The following HGH1 variants were observed in gnomAD, a reference collection of about 807,000 sequenced individuals.
The protein encoded by HGH1 is HGH1 cochaperone.
Under a neutral mutation model 31.7 loss-of-function variants are expected in HGH1, and 31 were observed. That is an observed-to-expected ratio of 0.98 (90% CI 0.73 to 1.32). The LOEUF is 1.32. HGH1 is among the 40% of genes most tolerant of loss of function. HGH1 has a pLI of 0.00. For synonymous variants in HGH1, 284 were observed against 293.6 expected, an observed-to-expected ratio of 0.97 and a Z score of 0.34; for missense variants, 618 against 594.4, an observed-to-expected ratio of 1.04 and a Z score of -0.41.
In HGH1 at chr8:144,138,276, CG is replaced by C; in HGVS notation, c.442del (p.Ala148ArgfsTer29). On this transcript the variant is annotated frameshift_variant, in exon 1 of 6. Coordinates refer to ENST00000347708, the MANE Select transcript of HGH1 (RefSeq NM_016458.4). LOFTEE classifies it high-confidence loss of function. ...CAALMAALAAAEPADSGLERL... is the reference protein window; with the variant it reads ...CAALMAALAAXEPADSGLERL... ...CAGCGCTCATGGCGGCGCTGGCGGC[CG>C]CGGAGCCGGCAGACTCGGGCCTGGA... is the stretch of plus-strand genomic sequence containing the variant. 6.8e-7 allele frequency: 1 copy of C among 1,462,986 alleles called. No homozygotes were observed. Among genetic ancestry groups the C allele is most frequent in the Admixed American group, 2.7e-5 (1 of 36,400 alleles). The allele number at this position is 1,462,986 out of a possible 1,614,324, so 90.6% of individuals were successfully genotyped here.
chr8:144,138,228 C>T lies in HGH1; in HGVS notation c.393C>T (p.Leu131=), dbSNP rs1564329699. 3.6e-6 allele frequency: 5 copies of T among 1,381,586 alleles called. No homozygotes were observed. Among genetic ancestry groups the T allele is most frequent in the Non-Finnish European group, 3.7e-6 (4 of 1,076,906 alleles). 85.6% of individuals were successfully genotyped at this position (1,381,586 alleles called of 1,614,324 possible). The part of the protein sequence containing the change: ...AEEAAAALAN[L]SREPAPCAAL... ...AGGCGGCCGCCGCGCTAGCCAACCTCAGTCGCGAGCCGGCGCCGTGTGCAG... is the reference window on the plus strand; with the variant it reads ...AGGCGGCCGCCGCGCTAGCCAACCTTAGTCGCGAGCCGGCGCCGTGTGCAG... Residue 131 remains leucine, a synonymous_variant, in exon 1 of 6, where the codon CTC becomes CTT. Coordinates refer to ENST00000347708, the MANE Select transcript of HGH1 (RefSeq NM_016458.4).
rs1220054332 is a variant in HGH1 at position 144,140,843 on chromosome 8, C to T, written c.*1291C>T. On this transcript the variant is annotated 3_prime_UTR_variant, in exon 6 of 6. Coordinates refer to ENST00000347708, the MANE Select transcript of HGH1 (RefSeq NM_016458.4). Reference sequence around the variant, plus strand: ...AGAATAAATGCTTTATCTGGCCTTGCCCCACCCACCCACCCTCAGTTTACT... The same window carrying T: ...AGAATAAATGCTTTATCTGGCCTTGTCCCACCCACCCACCCTCAGTTTACT... 7.6e-6 allele frequency: 1 copy of T among 131,016 alleles called. No individual in the cohort carries two copies. Among genetic ancestry groups the T allele is most frequent in the African/African-American group, 2.8e-5 (1 of 35,742 alleles). 8.1% of individuals were successfully genotyped at this position (131,016 alleles called of 1,614,324 possible).
Position 144,138,234 on chromosome 8 carries a change from C to A in HGH1, c.399C>A (p.Arg133=). ...EAAAALANLS[R]EPAPCAALMA... ...CCGCCGCGCTAGCCAACCTCAGTCG[C>A]GAGCCGGCGCCGTGTGCAGCGCTCA... The change falls in exon 1 of 6, where the codon CGC becomes CGA. Residue 133 remains arginine (R), a synonymous_variant. Coordinates refer to ENST00000347708, the MANE Select transcript of HGH1 (RefSeq NM_016458.4). The A allele has an allele frequency of 7.2e-7, 1 of 1,381,868 alleles. No individual in the cohort carries two copies. The highest frequency in any genetic ancestry group is 1.6e-5 in the South Asian group (1 of 61,018). The allele number at this position is 1,381,868 out of a possible 1,614,324, so 85.6% of individuals were successfully genotyped here. A position where few individuals can be genotyped will look rare whatever the true frequency, so the allele number is the denominator to read the frequency against.
chr8:144,139,341 G>A (rs1815153119), intron 5 of HGH1, 30 bp downstream of exon 5: 4 of 1,613,810 alleles, frequency 2.5e-6, no homozygotes, highest in Non-Finnish European at 3.4e-6. Context: ...GGCTGGGGAA[G>A]GGGTGTCTGT....
chr8:144,138,742 A>C lies in HGH1; in HGVS notation c.722A>C (p.Glu241Ala). 1 of 1,613,816 alleles carries C rather than the reference A, an allele frequency of 6.2e-7. No homozygotes were observed. ...HRHHEWLLGPEVDILPFLLLP... is the reference protein window; with the variant it reads ...HRHHEWLLGPAVDILPFLLLP... The stretch of plus-strand genomic sequence containing the variant: ...CATCACGAGTGGTTGCTTGGACCTG[A>C]GGTGGACATTCTCCCCTTTTTGCTC... Residue 241 changes from glutamate to alanine, a missense_variant, in exon 3 of 6, where the codon GAG (glutamate) becomes GCG (alanine). Coordinates refer to ENST00000347708, the MANE Select transcript of HGH1 (RefSeq NM_016458.4).
At position 144,139,319 on chromosome 8, in the gene HGH1, C is replaced by T; in HGVS notation, c.1008+8C>T. 1 of 1,613,948 alleles carries T rather than the reference C, an allele frequency of 6.2e-7. No homozygotes were observed. Among genetic ancestry groups the T allele is most frequent in the South Asian group, 1.1e-5 (1 of 91,078 alleles). ...TGTGAGAAGCTCATCCAGGTTGGTG[C>T]AGGGTTGGAGAGGCTGGGGAAGGGG... On this transcript the variant is annotated splice_region_variant and intron_variant, in intron 5 of 5. Coordinates refer to ENST00000347708, the MANE Select transcript of HGH1 (RefSeq NM_016458.4).
chr8:144,138,556 G>A lies in HGH1; in HGVS notation c.643G>A (p.Val215Ile). ...LPLTQYPDSS[V>I]RRGGVVGTLR... ...CCTTACCCAGTACCCCGACTCCTCT[G>A]TACGCAGGGGCGGGGTGGTGGGGAC... is the stretch of plus-strand genomic sequence containing the variant. Residue 215 changes from valine (V) to isoleucine (I), a missense_variant, in exon 2 of 6, where the codon GTA becomes ATA. Val to Ile is a conservative substitution (Grantham distance 29). Transcript: ENST00000347708. The A allele has an allele frequency of 1.2e-6, 2 of 1,612,808 alleles. No individual in the cohort carries two copies. The highest frequency in any genetic ancestry group is 1.7e-4 in the Middle Eastern group (1 of 5,974).
chr8:144,138,782 G>T lies in HGH1; in HGVS notation c.762G>T (p.Gly254=). The T allele has an allele frequency of 6.2e-7, 1 of 1,613,970 alleles. No homozygotes were observed. The highest frequency in any genetic ancestry group is 2.2e-5 in the East Asian group (1 of 44,864). ...CCTTTTTGCTCCTGCCCTTGGCTGG[G>T]CCTGAGGATTTCTCCGAGGAAGAGA... ...ILPFLLLPLA[G]PEDFSEEEME... Residue 254 remains glycine, a synonymous_variant, in exon 3 of 6, where the codon GGG becomes GGT. Transcript: ENST00000347708.
chr8:144,137,777 C>CAGCGGACCCCTA lies in HGH1; in HGVS notation c.-50_-39dup. On this transcript the variant is annotated 5_prime_UTR_variant, in exon 1 of 6. Coordinates refer to ENST00000347708, the MANE Select transcript of HGH1 (RefSeq NM_016458.4). ...CTGGTGGGCGGGGTTGCGGGCCACA[C>CAGCGGACCCCTA]AGCGGACCCCTAAGCGGACCGCTGG... 1 of 1,191,204 alleles carries CAGCGGACCCCTA rather than the reference C, an allele frequency of 8.4e-7. No individual in the cohort carries two copies. Among genetic ancestry groups the CAGCGGACCCCTA allele is most frequent in the Non-Finnish European group, 1.1e-6 (1 of 948,966 alleles). 73.8% of individuals were successfully genotyped at this position (1,191,204 alleles called of 1,614,324 possible). A position where few individuals can be genotyped will look rare whatever the true frequency, so the allele number is the denominator to read the frequency against.
rs1587642818 is a variant in HGH1, at chr8:144,139,967, G to T, written c.*415G>T. ...AGTCTGGGCAGAGGTGGGCGCATAG[G>T]TACAAGTGCTGCTTTGTCAGCCTCA... On this transcript the variant is annotated 3_prime_UTR_variant, in exon 6 of 6. Transcript: ENST00000347708. 9.7e-6 allele frequency: 3 copies of T among 310,394 alleles called. No individual in the cohort carries two copies. The East Asian group carries it at 2.5e-4, about 25-fold the overall frequency. The allele number at this position is 310,394 out of a possible 1,614,324, so 19.2% of individuals were successfully genotyped here.
At chr8:144,138,453 G>T in intron 1 of HGH1, 25 bp downstream of exon 1, 2 of 1,587,978 alleles carry the variant, frequency 1.3e-6, no homozygotes, top group Non-Finnish European at 8.5e-7. Flanking sequence ...GCCCGCGCGG[G>T]CGGGGAGGGG....
intron 2 of HGH1, 26 bp from the exon 3 acceptor site, chr8:144,138,688 CG>C: frequency 6.2e-7 from 1 of 1,613,282 alleles, no homozygotes; most frequent in Admixed American, 1.7e-5. Flanking sequence ...TTTCCATTCC[CG>C]TCTCCCCACC....
Position 144,139,027 on chromosome 8 carries a change from A to G in HGH1, c.812A>G (p.Gln271Arg). Residue 271 changes from glutamine (Q) to arginine (R), a missense_variant, in exon 4 of 6, where the codon CAG (glutamine) becomes CGG (arginine). Transcript: ENST00000347708. ...CCCCTAGGGCTGCCTGTCGACTTGCAGTACCTGCCACCAGACAAGCAGCGA... is the reference window on the plus strand; with the variant it reads ...CCCCTAGGGCTGCCTGTCGACTTGCGGTACCTGCCACCAGACAAGCAGCGA... ...EEMERLPVDLQYLPPDKQREP... is the reference protein window; with the variant it reads ...EEMERLPVDLRYLPPDKQREP... 2 of 1,613,944 alleles carry G rather than the reference A, an allele frequency of 1.2e-6. No homozygotes were observed. Among genetic ancestry groups the G allele is most frequent in the Non-Finnish European group, 1.7e-6 (2 of 1,179,844 alleles).
Position 144,138,221 on chromosome 8 carries a change from C to G in HGH1, c.386C>G (p.Ala129Gly). Residue 129 changes from alanine (A) to glycine (G), a missense_variant, in exon 1 of 6, where the codon GCC becomes GGC. Transcript: ENST00000347708. ...PWAEEAAAAL[A>G]NLSREPAPCA... ...GCCGAGGAGGCGGCCGCCGCGCTAG[C>G]CAACCTCAGTCGCGAGCCGGCGCCG... 7.3e-7 allele frequency: 1 copy of G among 1,376,660 alleles called. No homozygotes were observed. Among genetic ancestry groups the G allele is most frequent in the South Asian group, 1.7e-5 (1 of 60,218 alleles). The allele number at this position is 1,376,660 out of a possible 1,614,324, so 85.3% of individuals were successfully genotyped here.
In HGH1 at chr8:144,138,498, T is replaced by C; in HGVS notation, c.594-9T>C. The C allele has an allele frequency of 6.2e-7, 1 of 1,607,536 alleles. No homozygotes were observed. Among genetic ancestry groups the C allele is most frequent in the South Asian group, 1.1e-5 (1 of 90,218 alleles). ...AGGGGGGACGGCCCTAAGTGACACCTCCCAACAGGTGCGTGGTCCAGCGGC... is the reference window on the plus strand; with the variant it reads ...AGGGGGGACGGCCCTAAGTGACACCCCCCAACAGGTGCGTGGTCCAGCGGC... On this transcript the variant is annotated splice_polypyrimidine_tract_variant and intron_variant, in intron 1 of 5. Transcript: ENST00000347708.
At position 144,139,427 on chromosome 8, in the gene HGH1, C is replaced by G. The variant is rs1395294676; in HGVS notation, c.1048C>G (p.Leu350Val). Reference sequence around the variant, plus strand: ...CGAGCCTGAACGTGGCATGGAAAACCTGCTGGAGGTGCAGGTGCCTGAGGA... The same window carrying G: ...CGAGCCTGAACGTGGCATGGAAAACGTGCTGGAGGTGCAGGTGCCTGAGGA... ...GDEPERGMEN[L>V]LEVQVPEDVE... is the part of the protein sequence containing the mutation. Residue 350 changes from leucine (L) to valine (V), a missense_variant, in exon 6 of 6, where the codon CTG becomes GTG. Physicochemically the swap from Leu to Val is conservative, Grantham distance 32. Coordinates refer to ENST00000347708, the MANE Select transcript of HGH1 (RefSeq NM_016458.4). 3.1e-6 allele frequency: 5 copies of G among 1,608,608 alleles called. No individual in the cohort carries two copies. The African/African-American group carries it at 5.3e-5, about 17-fold the overall frequency.
Position 144,139,265 on chromosome 8 carries a change from G to A in HGH1, c.962G>A (p.Trp321Ter), listed in dbSNP as rs1815150797. The A allele has an allele frequency of 1.2e-6, 2 of 1,613,884 alleles. No individual in the cohort carries two copies. The highest frequency in any genetic ancestry group is 1.7e-6 in the Non-Finnish European group (2 of 1,179,874). Residue 321 changes from tryptophan to a stop codon, truncating the protein, a stop_gained, in exon 5 of 6, where the codon TGG (tryptophan) becomes TAG (stop). Transcript: ENST00000347708. LOFTEE classifies it low-confidence loss of function (END_TRUNC). ...CTGATCCTTCGAGAGCTGCACAGCT[G>A]GGAGCCGGAGCCCGACGTGCGGACG... Reference protein sequence around the residue: ...AYLILRELHSWEPEPDVRTAC... With the variant: ...AYLILRELHS
Position 144,138,035 on chromosome 8 carries a change from C to A in HGH1, c.200C>A (p.Ala67Glu). ...LLAGQAALLQ[A>E]LMELAPASAP... ...GCGGGGCAGGCGGCGCTGCTGCAGG[C>A]GCTGATGGAGCTGGCGCCGGCCTCT... Residue 67 changes from alanine to glutamate, a missense_variant, in exon 1 of 6, where the codon GCG (alanine) becomes GAG (glutamate). Coordinates refer to ENST00000347708, the MANE Select transcript of HGH1 (RefSeq NM_016458.4). The A allele has an allele frequency of 1.5e-6, 2 of 1,306,966 alleles. 1 individual carries two copies. Among genetic ancestry groups the A allele is most frequent in the Non-Finnish European group, 1.9e-6 (2 of 1,026,016 alleles). 81.0% of individuals were successfully genotyped at this position (1,306,966 alleles called of 1,614,324 possible). A position where few individuals can be genotyped will look rare whatever the true frequency, so the allele number is the denominator to read the frequency against.
At position 144,137,894 on chromosome 8, in the gene HGH1, C is replaced by T; in HGVS notation, c.59C>T (p.Ala20Val). Reference sequence around the variant, plus strand: ...GGAGGGCCGGAGGCAAGCCCGGAGGCAGAGGTGGTGAAGCTGCTGCCCTTC... The same window carrying T: ...GGAGGGCCGGAGGCAAGCCCGGAGGTAGAGGTGGTGAAGCTGCTGCCCTTC... ...ASGGPEASPE[A>V]EVVKLLPFLA... The change falls in exon 1 of 6, where the codon GCA (alanine) becomes GTA (valine). Residue 20 changes from alanine to valine, a missense_variant. Transcript: ENST00000347708. 7.6e-7 allele frequency: 1 copy of T among 1,311,748 alleles called. No individual in the cohort carries two copies. Among genetic ancestry groups the T allele is most frequent in the Non-Finnish European group, 9.7e-7 (1 of 1,034,700 alleles). The allele number at this position is 1,311,748 out of a possible 1,614,324, so 81.3% of individuals were successfully genotyped here.
Sources: allele counts gnomAD v4.1 joint callset, GRCh38; gene constraint gnomAD v4.1.1; transcripts MANE v1.5; gene names NCBI Gene and HGNC (gene_info 2026-07-23, HGNC 2026-07-21).